Variants in IL1RAPL1 observed in about 807,000 individuals in gnomAD.
The protein encoded by IL1RAPL1 is interleukin 1 receptor accessory protein like 1.
A neutral mutation model predicts 48.4 loss-of-function variants in IL1RAPL1; 3 were observed. The ratio of observed to expected loss-of-function variants is 0.06; its 90% confidence interval spans 0.03 to 0.16. The LOEUF is 0.16. Among genes scored for constraint, IL1RAPL1 ranks in the 10% least tolerant of loss-of-function variants. IL1RAPL1 has a pLI of 1.00. For synonymous variants in IL1RAPL1, 185 were observed against 187.7 expected, an observed-to-expected ratio of 0.99 and a Z score of 0.12; for missense variants, 349 against 530.6, an observed-to-expected ratio of 0.66 and a Z score of 3.36.
rs191463327 is a variant in IL1RAPL1 at position 28,887,112 on chromosome X, G to T, written c.82+97687G>T. On this transcript the variant is annotated intron_variant, in intron 2 of 10. Transcript: ENST00000378993. ...TCGAATGCCTCCTCCACACATTCAG[G>T]TGTTACCAATGTGGTTGTATTGAGA... is the stretch of plus-strand genomic sequence containing the variant. 2.2e-4 allele frequency among the ~76,000 whole-genome samples: 24 copies of T among 111,490 alleles called. No homozygotes were observed. In the East Asian group the frequency reaches 3.1e-3, roughly 14 times the overall value.
chrX:29,198,921 GTT>G (rs1930497033), intron 2 of IL1RAPL1, among the ~76,000 whole-genome samples: 1 of 111,454 alleles, frequency 9.0e-6, no homozygotes, highest in South Asian at 3.7e-4. Context: ...GTTTTATCCT[GTT>G]TTATCACTGC....
At position 28,739,568 on chromosome X, in the gene IL1RAPL1, G is replaced by A. The variant is rs150159001; in HGVS notation, c.-24-49752G>A. ...AAGGCACAGAGAGACTAAGTGCCTG[G>A]ACTCCAATTCCATGGCTAATAGAGT... On this transcript the variant is annotated intron_variant, in intron 1 of 10. Coordinates refer to ENST00000378993, the MANE Select transcript of IL1RAPL1 (RefSeq NM_014271.4). 8.8e-3 allele frequency among the ~76,000 whole-genome samples: 987 copies of A among 111,624 alleles called. 4 individuals carry two copies. Among genetic ancestry groups the A allele is most frequent in the African/African-American group, 0.024 (752 of 30,769 alleles).
chrX:29,324,365 T>G (rs1311399349), intron 3 of IL1RAPL1, among the ~76,000 whole-genome samples: 2 of 111,578 alleles, frequency 1.8e-5, no homozygotes, highest in Non-Finnish European at 3.8e-5. Context: ...TTTTTATGCT[T>G]AGGTTCCATG....
intron 5 of IL1RAPL1, among the ~76,000 whole-genome samples, chrX:29,605,123 CACACGGAG>C (rs1923852031): frequency 1.1e-5 from 1 of 87,071 alleles, no homozygotes; most frequent in African/African-American, 4.5e-5. Context: ...CACACACACA[CACACGGAG>C]GGAGGGAGGG....
chrX:28,687,235 T>A (rs1056991051), intron 1 of IL1RAPL1, among the ~76,000 whole-genome samples: 1 of 111,183 alleles, frequency 9.0e-6, no homozygotes, highest in African/African-American at 3.3e-5. Context: ...CCCAAGACCA[T>A]CCCTGTTCAG....
At position 28,589,725 on chromosome X, in the gene IL1RAPL1, A is replaced by G. The variant is rs148528084; in HGVS notation, c.-25+1678A>G. ...TTTTTCCTGGTAGAGCTTGATGCAG[A>G]TTTCAGCCTGGTGGTTCCCTCATAA... On this transcript the variant is annotated intron_variant, in intron 1 of 10. Transcript: ENST00000378993. Among the ~76,000 whole-genome samples, 523 of 111,764 alleles carry G rather than the reference A, an allele frequency of 4.7e-3. 3 individuals are homozygous for G. The highest frequency in any genetic ancestry group is 0.016 in the African/African-American group (505 of 30,789).
intron 5 of IL1RAPL1, among the ~76,000 whole-genome samples, chrX:29,400,466 G>C (rs138827867): frequency 1.8e-5 from 2 of 111,913 alleles, no homozygotes; most frequent in African/African-American, 6.5e-5. Flanking sequence ...CATGAGAAAA[G>C]TGGGGATAAT....
intron 2 of IL1RAPL1, among the ~76,000 whole-genome samples, chrX:28,810,869 TG>T: frequency 9.1e-6 from 1 of 110,282 alleles, no homozygotes; most frequent in East Asian, 2.9e-4. Context: ...TCCTGCCACC[TG>T]CATCTAATGA....
chrX:29,510,692 A>T (rs1048229442), intron 5 of IL1RAPL1, among the ~76,000 whole-genome samples: 2 of 111,571 alleles, frequency 1.8e-5, no homozygotes, highest in East Asian at 2.8e-4. Flanking sequence ...TCTCTTCTAG[A>T]TCACAAACTA....
intron 6 of IL1RAPL1, among the ~76,000 whole-genome samples, chrX:29,759,427 CT>C (rs5901931): frequency 1.8e-5 from 2 of 110,156 alleles, no homozygotes; most frequent in Admixed American, 9.8e-5. Flanking sequence ...TACCATAGTT[CT>C]TTTTTTTGGA....
chrX:29,530,271 C>T (rs1236704659), intron 5 of IL1RAPL1, among the ~76,000 whole-genome samples: 1 of 111,270 alleles, frequency 9.0e-6, no homozygotes, highest in Admixed American at 9.6e-5. Flanking sequence ...GTTTTGGTTC[C>T]CCAGAAGCTG....
At chrX:28,844,472 G>A (rs1172782754) in intron 2 of IL1RAPL1, among the ~76,000 whole-genome samples, 1 of 109,491 alleles carries the variant, frequency 9.1e-6, no homozygotes, top group African/African-American at 3.3e-5. Context: ...CACCCCATTC[G>A]ACAGGTGGCC....
chrX:29,155,684 A>G (rs1451536374), intron 2 of IL1RAPL1, among the ~76,000 whole-genome samples: 2 of 111,812 alleles, frequency 1.8e-5, no homozygotes. Context: ...ATAAAATAGA[A>G]CCTTGAATAT....
At chrX:29,083,600 A>G (rs1394598762) in intron 2 of IL1RAPL1, among the ~76,000 whole-genome samples, 1 of 111,581 alleles carries the variant, frequency 9.0e-6, no homozygotes, top group Non-Finnish European at 1.9e-5. Context: ...GACTTGCCTT[A>G]CCACCAACTA....
At chrX:29,650,567 A>G (rs979342849) in intron 5 of IL1RAPL1, among the ~76,000 whole-genome samples, 4 of 111,281 alleles carry the variant, frequency 3.6e-5, no homozygotes, top group Admixed American at 9.5e-5. Flanking sequence ...AAAACTGGAT[A>G]GCCACATGCA....
At chrX:29,153,752 G>T (rs1929512687) in intron 2 of IL1RAPL1, among the ~76,000 whole-genome samples, 1 of 112,083 alleles carries the variant, frequency 8.9e-6, no homozygotes. Context: ...TTACCATTTA[G>T]CTTATGGAAC....
intron 2 of IL1RAPL1, among the ~76,000 whole-genome samples, chrX:29,240,123 G>C (rs1274364291): frequency 2.0e-5 from 2 of 97,587 alleles, no homozygotes; most frequent in Non-Finnish European, 4.0e-5. Flanking sequence ...CTGGGGATTA[G>C]GACATGGATC....
chrX:29,320,765 C>T (rs1326188679), intron 3 of IL1RAPL1, among the ~76,000 whole-genome samples: 2 of 96,519 alleles, frequency 2.1e-5, no homozygotes, highest in Non-Finnish European at 4.2e-5. Context: ...GACTCCATCT[C>T]AAAAAAAAAA....
At chrX:29,627,784 C>G (rs4076955) in intron 5 of IL1RAPL1, among the ~76,000 whole-genome samples, 15,478 of 111,696 alleles carry the variant, frequency 0.14, 1,135 homozygotes, top group African/African-American at 0.27. Flanking sequence ...ACTTTAGTAA[C>G]TGTCTTTAGT....
Sources: allele counts gnomAD v4.1 joint callset (sites outside exome capture counted in the v4.1 genomes callset), GRCh38; gene constraint gnomAD v4.1.1; transcripts MANE v1.5; gene names NCBI Gene and HGNC (gene_info 2026-07-23, HGNC 2026-07-21).